Variants in PRKG1 observed in about 807,000 individuals in gnomAD.
The protein encoded by PRKG1 is cGMP-dependent protein kinase 1.
A neutral mutation model predicts 88.1 loss-of-function variants in PRKG1; 35 were observed. The observed-to-expected ratio is 0.40, with a 90% CI of 0.30 to 0.53. The LOEUF (loss-of-function observed/expected upper bound fraction) is 0.53, where lower values mean the gene tolerates loss of function less well. Ranked by LOEUF, PRKG1 falls within the 20% of genes least tolerant of loss-of-function variation. The pLI, the probability that PRKG1 is intolerant of heterozygous loss-of-function variation, is 0.59. For synonymous variants in PRKG1, 303 were observed against 292.5 expected (o/e 1.04, Z -0.37); for missense variants, 540 against 839.8 (o/e 0.64, Z 4.41).
At chr10:51,349,650 G>T (rs1842197589) in intron 2 of PRKG1, among the ~76,000 whole-genome samples, 1 of 151,900 alleles carries the variant, frequency 6.6e-6, no homozygotes, top group Admixed American at 6.6e-5. Context: ...GGGACTACAG[G>T]CATGCACCAC....
intron 2 of PRKG1, chr10:51,299,633 A>G (rs367648737): frequency 2.4e-5 from 11 of 465,878 alleles, no homozygotes; most frequent in African/African-American, 4.0e-5. Context: ...AGAAGGCACT[A>G]TGAGATTTAG....
chr10:52,129,708 A>G (rs1821826882), intron 7 of PRKG1, among the ~76,000 whole-genome samples: 1 of 152,182 alleles, frequency 6.6e-6, no homozygotes, highest in South Asian at 2.1e-4. Flanking sequence ...GCTAGGACAT[A>G]GCTATGGATG....
intron 3 of PRKG1, among the ~76,000 whole-genome samples, chr10:51,642,964 T>C (rs1839835824): frequency 1.3e-5 from 2 of 152,226 alleles, no homozygotes; most frequent in African/African-American, 4.8e-5. Flanking sequence ...CACGTTCTTA[T>C]CTTAAATCTC....
At chr10:52,210,765 C>G (rs1839950776) in intron 9 of PRKG1, among the ~76,000 whole-genome samples, 1 of 152,124 alleles carries the variant, frequency 6.6e-6, no homozygotes, top group African/African-American at 2.4e-5. Flanking sequence ...TCCATTTATC[C>G]AGCAAACATG....
chr10:51,182,244 A>G (rs1417617754), intron 2 of PRKG1, among the ~76,000 whole-genome samples: 1 of 152,174 alleles, frequency 6.6e-6, no homozygotes, highest in Non-Finnish European at 1.5e-5. Context: ...AGAATGAAAA[A>G]TCTGCTATGG....
In PRKG1 at chr10:52,036,014, T is replaced by C. The variant is rs577072060; in HGVS notation, c.763-18470T>C. Among the ~76,000 whole-genome samples, 391 of 151,168 alleles carry C rather than the reference T, an allele frequency of 2.6e-3. 2 individuals are homozygous for C. Among genetic ancestry groups the C allele is most frequent in the African/African-American group, 9.0e-3 (372 of 41,280 alleles). On this transcript the variant is annotated intron_variant, in intron 5 of 17. Coordinates refer to ENST00000373980, the MANE Select transcript of PRKG1 (RefSeq NM_006258.4). ...TAGAAGGTGCTTGGGTTTGAGAGATTAGTCGGACATGATTGGCAGGGAGAG... is the reference window on the plus strand; with the variant it reads ...TAGAAGGTGCTTGGGTTTGAGAGATCAGTCGGACATGATTGGCAGGGAGAG...
chr10:51,141,970 A>G (rs909650227), intron 1 of PRKG1, among the ~76,000 whole-genome samples: 3 of 152,138 alleles, frequency 2.0e-5, no homozygotes, highest in Admixed American at 2.0e-4. Context: ...GGAATTTTAT[A>G]TTTTATCTTT....
rs371041285 is a variant in PRKG1, at chr10:51,797,366, T to C, written c.593-7219T>C. On this transcript the variant is annotated intron_variant, in intron 3 of 17. Coordinates refer to ENST00000373980, the MANE Select transcript of PRKG1 (RefSeq NM_006258.4). ...AAATTTTGTTATATATATAAGAGAA[T>C]ATATAATAAAATATATATTATATAT... Among the ~76,000 whole-genome samples, 21 of 146,628 alleles carry C rather than the reference T, an allele frequency of 1.4e-4. No individual in the cohort carries two copies. The East Asian group carries it at 4.1e-3, about 29-fold the overall frequency.
At chr10:52,059,343 G>A (rs2133263104) in intron 6 of PRKG1, among the ~76,000 whole-genome samples, 1 of 151,982 alleles carries the variant, frequency 6.6e-6, no homozygotes, top group East Asian at 1.9e-4. Context: ...TGAAAATATA[G>A]CTCACACAAA....
At chr10:52,168,129 A>G (rs1250981709) in intron 9 of PRKG1, among the ~76,000 whole-genome samples, 1 of 152,198 alleles carries the variant, frequency 6.6e-6, no homozygotes. Flanking sequence ...ATATAAAACA[A>G]TGAATAAAAT....
intron 7 of PRKG1, among the ~76,000 whole-genome samples, chr10:52,087,336 A>G (rs971737498): frequency 6.6e-6 from 1 of 152,056 alleles, no homozygotes; most frequent in African/African-American, 2.4e-5. Context: ...CTTGGTCATG[A>G]TTTTTGCCCA....
chr10:52,173,022 T>C (rs931946904), intron 9 of PRKG1, among the ~76,000 whole-genome samples: 3 of 152,256 alleles, frequency 2.0e-5, no homozygotes, highest in South Asian at 2.1e-4. Flanking sequence ...AGGCATTCTT[T>C]TGGAATCGTA....
chr10:51,057,080 A>T (rs937648172), intron 1 of PRKG1, among the ~76,000 whole-genome samples: 4 of 152,240 alleles, frequency 2.6e-5, no homozygotes, highest in Non-Finnish European at 4.4e-5. Flanking sequence ...GAAATATCTA[A>T]GATATAGTAA....
chr10:51,499,458 A>G (rs539685345), intron 3 of PRKG1, among the ~76,000 whole-genome samples: 5 of 152,346 alleles, frequency 3.3e-5, no homozygotes, highest in East Asian at 3.9e-4. Flanking sequence ...GTTTTAAATC[A>G]TCTAGTGGAA....
At chr10:51,622,411 G>A (rs1410658109) in intron 3 of PRKG1, among the ~76,000 whole-genome samples, 2 of 152,172 alleles carry the variant, frequency 1.3e-5, no homozygotes, top group Non-Finnish European at 2.9e-5. Context: ...AGGAATCTTT[G>A]TATCCACAGT....
intron 7 of PRKG1, among the ~76,000 whole-genome samples, chr10:52,083,820 G>A (rs774844994): frequency 2.0e-5 from 3 of 151,928 alleles, no homozygotes; most frequent in Non-Finnish European, 4.4e-5. Flanking sequence ...TAAAGAATAT[G>A]TTTTAGTCTA....
chr10:51,729,706 CAAAAA>C (rs34900286), intron 3 of PRKG1, among the ~76,000 whole-genome samples: 357 of 28,686 alleles, frequency 0.012, no homozygotes, highest in African/African-American at 0.039. Flanking sequence ...GACTCCATCT[CAAAAA>C]AAAAAAAAAA....
At chr10:52,277,881 T>C (rs1241455453) in intron 12 of PRKG1, among the ~76,000 whole-genome samples, 6 of 152,166 alleles carry the variant, frequency 3.9e-5, no homozygotes, top group Non-Finnish European at 7.3e-5. Context: ...CAATTGACTA[T>C]TAAGGAAGCA....
chr10:52,248,429 C>A (rs919700093), intron 9 of PRKG1, among the ~76,000 whole-genome samples: 3 of 152,092 alleles, frequency 2.0e-5, no homozygotes, highest in African/African-American at 7.2e-5. Context: ...GGACCTGAAA[C>A]AAGTACAAAC....
Sources: gnomAD v4.1 joint callset for allele counts (sites outside exome capture counted in the v4.1 genomes callset) on GRCh38, gnomAD v4.1.1 for gene constraint, MANE v1.5 for transcripts, NCBI Gene and HGNC (gene_info 2026-07-23, HGNC 2026-07-21) for gene names.